Variants in CSRNP1 observed in about 807,000 individuals in gnomAD.
The protein encoded by CSRNP1 is cysteine/serine-rich nuclear protein 1.
In CSRNP1, 8 loss-of-function variants were observed where a neutral mutation model predicts 25.0. That is an observed-to-expected ratio of 0.32 (90% confidence interval 0.19 to 0.58). The LOEUF is 0.58. Among genes scored for constraint, CSRNP1 ranks in the 20% least tolerant of loss-of-function variants. The probability of loss-of-function intolerance (pLI) is 0.88; values close to 1 mark genes in which losing one functional copy is unlikely to be tolerated. For synonymous variants in CSRNP1, 305 were observed against 303.1 expected (o/e 1.01, Z -0.06); for missense variants, 691 against 773.1 (o/e 0.89, Z 1.26).
Position 39,144,386 on chromosome 3 carries a change from G to A in CSRNP1, c.531C>T (p.Asp177=), listed in dbSNP as rs562658217. ...GLPPVVDAID[D]ASVEEDLAVA... is the part of the protein sequence containing the mutation. ...CTGCCAAGTCCTCCTCCACAGAGGC[G>A]TCATCAATGGCATCCACCACAGGTG... The change falls in exon 4 of 5, where the codon GAC becomes GAT. Residue 177 remains aspartate, a synonymous_variant. Transcript: ENST00000273153. The A allele has an allele frequency of 2.1e-5, 34 of 1,613,592 alleles. No individual in the cohort carries two copies. Among genetic ancestry groups the A allele is most frequent in the African/African-American group, 1.3e-4 (10 of 75,028 alleles).
rs1428068343 is a variant in CSRNP1, at chr3:39,143,599, T to TC, written c.1225dup (p.Glu409GlyfsTer19). On this transcript the variant is annotated frameshift_variant, in exon 5 of 5. Coordinates refer to ENST00000273153, the MANE Select transcript of CSRNP1 (RefSeq NM_033027.4). LOFTEE classifies it low-confidence loss of function (END_TRUNC). The stretch of plus-strand genomic sequence containing the variant: ...CAGGTTCCCCACGCTCCCTTCCTCC[T>TC]CTTCCTCCTCCTCCCCACCGAAGTC... 2 of 1,612,966 alleles carry TC rather than the reference T, an allele frequency of 1.2e-6. No homozygotes were observed. Among genetic ancestry groups the TC allele is most frequent in the Admixed American group, 3.3e-5 (2 of 59,980 alleles).
In CSRNP1 at chr3:39,143,753, C is replaced by G. The variant is rs2039456457; in HGVS notation, c.1072G>C (p.Ala358Pro). 1 of 1,614,094 alleles carries G rather than the reference C, an allele frequency of 6.2e-7. No homozygotes were observed. Among genetic ancestry groups the G allele is most frequent in the Non-Finnish European group, 8.5e-7 (1 of 1,179,966 alleles). ...CTAGTGCCCGATGCTGATGAAGATGCTGTAGAAGAATCAGTCATGTCGCTG... is the reference window on the plus strand; with the variant it reads ...CTAGTGCCCGATGCTGATGAAGATGGTGTAGAAGAATCAGTCATGTCGCTG... Reference protein sequence around the residue: ...CSSDMTDSSTASSSASGTSEA... With the variant: ...CSSDMTDSSTPSSSASGTSEA... Residue 358 changes from alanine to proline, a missense_variant, in exon 5 of 5, where the codon GCA becomes CCA. Coordinates refer to ENST00000273153, the MANE Select transcript of CSRNP1 (RefSeq NM_033027.4).
chr3:39,143,431 A>G lies in CSRNP1; in HGVS notation c.1394T>C (p.Phe465Ser). Residue 465 changes from phenylalanine to serine, a missense_variant, in exon 5 of 5, where the codon TTC (phenylalanine) becomes TCC (serine). Phe to Ser is a radical substitution (Grantham distance 155). Transcript: ENST00000273153. ...DENANLDASC[F>S]LNGGLEGSRE... ...TGACCCTTCAAGGCCACCATTTAGG[A>G]AGCAGCTGGCATCCAGGTTGGCATT... The G allele has an allele frequency of 1.2e-6, 2 of 1,614,118 alleles. No homozygotes were observed. Among genetic ancestry groups the G allele is most frequent in the Non-Finnish European group, 1.7e-6 (2 of 1,179,964 alleles).
chr3:39,143,424 A>G lies in CSRNP1; in HGVS notation c.1401T>C (p.Asn467=). Residue 467 remains asparagine (N), a synonymous_variant, in exon 5 of 5, where the codon AAT becomes AAC. Transcript: ENST00000273153. ...NANLDASCFL[N]GGLEGSREGS... ...CTTCCCTTGACCCTTCAAGGCCACC[A>G]TTTAGGAAGCAGCTGGCATCCAGGT... 6.2e-7 allele frequency: 1 copy of G among 1,614,194 alleles called. No individual in the cohort carries two copies. Among genetic ancestry groups the G allele is most frequent in the Non-Finnish European group, 8.5e-7 (1 of 1,180,012 alleles).
Position 39,144,442 on chromosome 3 carries a change from C to A in CSRNP1, c.475G>T (p.Ala159Ser), listed in dbSNP as rs112352444. ...LEMLQWKLSA[A>S]GVPQAEAGLP... is the part of the protein sequence containing the mutation. ...CCTGCCTCTGCCTGGGGTACCCCAG[C>A]TGCCGAAAGCTGCATCCACAGGAAA... Residue 159 changes from alanine (A) to serine (S), a missense_variant, in exon 4 of 5, where the codon GCT (alanine) becomes TCT (serine). Coordinates refer to ENST00000273153, the MANE Select transcript of CSRNP1 (RefSeq NM_033027.4). 11 of 1,600,942 alleles carry A rather than the reference C, an allele frequency of 6.9e-6. No individual in the cohort carries two copies. In the African/African-American group the frequency reaches 8.0e-5, roughly 12 times the overall value.
chr3:39,142,657 TAGG>T lies in CSRNP1; in HGVS notation c.*395_*397del. Reference sequence around the variant, plus strand: ...CAGTGGATTTAGCCACCCATGGGTCTAGGGCTCAGGGTGGCAGAAGCCACCTGA... The same window carrying T: ...CAGTGGATTTAGCCACCCATGGGTCTGCTCAGGGTGGCAGAAGCCACCTGA... On this transcript the variant is annotated 3_prime_UTR_variant, in exon 5 of 5. Coordinates refer to ENST00000273153, the MANE Select transcript of CSRNP1 (RefSeq NM_033027.4). 1 of 170,532 alleles carries T rather than the reference TAGG, an allele frequency of 5.9e-6. No individual in the cohort carries two copies. The highest frequency in any genetic ancestry group is 1.6e-4 in the South Asian group (1 of 6,112). The allele number at this position is 170,532 out of a possible 1,614,324, so 10.6% of individuals were successfully genotyped here. A position where few individuals can be genotyped will look rare whatever the true frequency, so the allele number is the denominator to read the frequency against.
chr3:39,143,544 G>A lies in CSRNP1; in HGVS notation c.1281C>T (p.Asp427=). The A allele has an allele frequency of 6.2e-7, 1 of 1,614,248 alleles. No individual in the cohort carries two copies. Among genetic ancestry groups the A allele is most frequent in the Non-Finnish European group, 8.5e-7 (1 of 1,180,050 alleles). The change falls in exon 5 of 5, where the codon GAC becomes GAT. Residue 427 remains aspartate (D), a synonymous_variant. Coordinates refer to ENST00000273153, the MANE Select transcript of CSRNP1 (RefSeq NM_033027.4). ...LDNLSCFHPA[D]IFGTSDPGGL... ...CACCAGGGTCACTAGTACCAAAGAT[G>A]TCAGCTGGATGGAAGCAGCTGAGGT...
In CSRNP1 at chr3:39,146,607, A is replaced by T. The variant is rs1445419888; in HGVS notation, c.76T>A (p.Ser26Thr). The change falls in exon 2 of 5, where the codon TCT (serine) becomes ACT (threonine). Residue 26 changes from serine (S) to threonine (T), a missense_variant. Physicochemically the swap from Ser to Thr is moderately conservative, Grantham distance 58. Coordinates refer to ENST00000273153, the MANE Select transcript of CSRNP1 (RefSeq NM_033027.4). The part of the protein sequence containing the change: ...NSSVSSSSSS[S>T]GCQSRSCSPS... ...GAGCAGGAGCGAGACTGGCACCCAG[A>T]GGAAGAGGAGGAGGAGGAGACCGAG... 1.9e-6 allele frequency: 3 copies of T among 1,570,182 alleles called. No homozygotes were observed. The highest frequency in any genetic ancestry group is 1.7e-6 in the Non-Finnish European group (2 of 1,157,258).
At chr3:39,146,846 C>G in intron 1 of CSRNP1, 124 bp from the exon 2 acceptor site, 1 of 1,354,944 alleles carries the variant, frequency 7.4e-7, no homozygotes, top group South Asian at 1.5e-5. Flanking sequence ...TGCCCTCCAG[C>G]CCTGCCTGTG....
Position 39,142,615 on chromosome 3 carries a change from TTA to T in CSRNP1, c.*438_*439del, listed in dbSNP as rs1363681991. On this transcript the variant is annotated 3_prime_UTR_variant, in exon 5 of 5. Coordinates refer to ENST00000273153, the MANE Select transcript of CSRNP1 (RefSeq NM_033027.4). ...TCTCCAAATAAATTATGGAAATAAA[TTA>T]TAGTCTTCACAGTCCAGTGGATTTA... The T allele has an allele frequency of 1.3e-5, 2 of 154,974 alleles. No individual in the cohort carries two copies. The highest frequency in any genetic ancestry group is 2.9e-5 in the Non-Finnish European group (2 of 69,682). The allele number at this position is 154,974 out of a possible 1,614,324, so 9.6% of individuals were successfully genotyped here.
chr3:39,142,476 C>G lies in CSRNP1; in HGVS notation c.*579G>C, dbSNP rs1277351102. On this transcript the variant is annotated 3_prime_UTR_variant, in exon 5 of 5. Coordinates refer to ENST00000273153, the MANE Select transcript of CSRNP1 (RefSeq NM_033027.4). ...AATCCACACCTAGTCTGCACCAAAGCCCAGGCAGGGCAAGGTGTAGGACTA... is the reference window on the plus strand; with the variant it reads ...AATCCACACCTAGTCTGCACCAAAGGCCAGGCAGGGCAAGGTGTAGGACTA... The G allele has an allele frequency of 6.5e-6, 1 of 152,838 alleles. No individual in the cohort carries two copies. Among genetic ancestry groups the G allele is most frequent in the Non-Finnish European group, 1.5e-5 (1 of 68,194 alleles). 9.5% of individuals were successfully genotyped at this position (152,838 alleles called of 1,614,324 possible).
At chr3:39,144,530 C>A in intron 3 of CSRNP1, 79 bp from the exon 4 acceptor site, 1 of 1,377,800 alleles carries the variant, frequency 7.3e-7, no homozygotes, top group Non-Finnish European at 9.7e-7. Context: ...GACAAACCCT[C>A]CCCAAGTGCT....
At position 39,142,881 on chromosome 3, in the gene CSRNP1, G is replaced by T; in HGVS notation, c.*174C>A. ...TCCCCCCAGTCCTCTCTTCAGCACA[G>T]AAAAGTTAAAACAAATAAATAAATC... On this transcript the variant is annotated 3_prime_UTR_variant, in exon 5 of 5. Coordinates refer to ENST00000273153, the MANE Select transcript of CSRNP1 (RefSeq NM_033027.4). The T allele has an allele frequency of 1.3e-6, 1 of 778,992 alleles. No individual in the cohort carries two copies. Among genetic ancestry groups the T allele is most frequent in the South Asian group, 2.2e-5 (1 of 44,624 alleles). The allele number at this position is 778,992 out of a possible 1,614,324, so 48.3% of individuals were successfully genotyped here. A position where few individuals can be genotyped will look rare whatever the true frequency, so the allele number is the denominator to read the frequency against.
chr3:39,146,515 C>G lies in CSRNP1; in HGVS notation c.168G>C (p.Leu56=). The stretch of plus-strand genomic sequence containing the variant: ...TGGGGCCGCAGAAGTCACGGTCAGG[C>G]AGGGGCATCTGATCCCAGGGGCCTT... ...EEEGPWDQMP[L]PDRDFCGPRS... is the part of the protein sequence containing the mutation. The change falls in exon 2 of 5, where the codon CTG becomes CTC. Residue 56 remains leucine (L), a synonymous_variant. Coordinates refer to ENST00000273153, the MANE Select transcript of CSRNP1 (RefSeq NM_033027.4). 1 of 1,550,608 alleles carries G rather than the reference C, an allele frequency of 6.4e-7. No homozygotes were observed. Among genetic ancestry groups the G allele is most frequent in the Non-Finnish European group, 8.7e-7 (1 of 1,146,440 alleles).
intron 1 of CSRNP1, among the ~76,000 whole-genome samples, chr3:39,147,151 G>C (rs954205127): frequency 6.6e-6 from 1 of 152,040 alleles, no homozygotes; most frequent in Admixed American, 6.5e-5. Flanking sequence ...CTCATTCCCC[G>C]ACAGGAATCC....
chr3:39,144,783 C>G (rs1325352254), intron 3 of CSRNP1, among the ~76,000 whole-genome samples: 1 of 152,102 alleles, frequency 6.6e-6, no homozygotes, highest in East Asian at 1.9e-4. Flanking sequence ...ATGCCCCCAG[C>G]CCCTGCAGCA....
At chr3:39,145,843 A>G (rs1278899154) in intron 2 of CSRNP1, among the ~76,000 whole-genome samples, 1 of 152,184 alleles carries the variant, frequency 6.6e-6, no homozygotes, top group East Asian at 1.9e-4. Flanking sequence ...TTTATGTGTA[A>G]TGCACAGATA....
chr3:39,146,763 G>A, intron 1 of CSRNP1, 41 bp from the exon 2 acceptor site: 1 of 1,516,252 alleles, frequency 6.6e-7, no homozygotes, highest in Non-Finnish European at 8.8e-7. Context: ...CAGGCAGGCA[G>A]CAGCAGGTGG....
chr3:39,144,161 G>A lies in CSRNP1; in HGVS notation c.756C>T (p.Cys252=), dbSNP rs2039466879. 1 of 1,613,376 alleles carries A rather than the reference G, an allele frequency of 6.2e-7. No homozygotes were observed. Among genetic ancestry groups the A allele is most frequent in the South Asian group, 1.1e-5 (1 of 91,074 alleles). Residue 252 remains cysteine, a synonymous_variant, in exon 4 of 5, where the codon TGC becomes TGT. Transcript: ENST00000273153. ...CCTGGCACTTGATGCCTGCCAGGCT[G>A]CAGCTGCAGGTCTCAGGGTCGCAGA... The part of the protein sequence containing the change: ...DRICDPETCS[C]SLAGIKCQMD...
Sources: gnomAD v4.1 joint callset for allele counts (sites outside exome capture counted in the v4.1 genomes callset) on GRCh38, gnomAD v4.1.1 for gene constraint, MANE v1.5 for transcripts, NCBI Gene and HGNC (gene_info 2026-07-23, HGNC 2026-07-21) for gene names.